CCDC106: variants seen among roughly 807,000 people sequenced by gnomAD.
The protein encoded by CCDC106 is coiled-coil domain containing 106, also known as coiled-coil domain-containing protein 106.
In CCDC106, 17 loss-of-function variants were observed where a neutral mutation model predicts 24.7. The observed-to-expected ratio is 0.69, with a 90% confidence interval of 0.47 to 1.03. The LOEUF (loss-of-function observed/expected upper bound fraction) is 1.03. Among genes scored for constraint, CCDC106 ranks in the 50% least tolerant of loss-of-function variants. The pLI is 0.00. For synonymous variants in CCDC106, 211 were observed against 161.3 expected, an observed-to-expected ratio of 1.31 and a Z score of -2.34; for missense variants, 337 against 388.9, an observed-to-expected ratio of 0.87 and a Z score of 1.12.
Position 55,652,657 on chromosome 19 carries a change from C to T in CCDC106, c.754C>T (p.Leu252=). The T allele has an allele frequency of 6.2e-7, 1 of 1,613,390 alleles. No homozygotes were observed. Among genetic ancestry groups the T allele is most frequent in the African/African-American group, 1.3e-5 (1 of 75,046 alleles). ...GCTCGAGTACTCCCGCCGCTGCTTT[C>T]TGGCCCTGGACGACGAGACGCTCAA... ...RLLEYSRRCF[L]ALDDETLKKV... is the part of the protein sequence containing the mutation. The change falls in exon 5 of 5, where the codon CTG becomes TTG. Residue 252 remains leucine, a synonymous_variant. Coordinates refer to ENST00000586790, the MANE Select transcript of CCDC106 (RefSeq NM_001370470.1). The surrounding 1 kb of genome is among the most constrained non-coding windows in gnomAD (Gnocchi z 5.9).
At chr19:55,649,734 G>C in intron 3 of CCDC106, 150 bp downstream of exon 3, 1 of 683,238 alleles carries the variant, frequency 1.5e-6, no homozygotes, top group South Asian at 1.9e-5. Context: ...TGGGCCCCCA[G>C]GCCCAGCTGC....
At position 55,648,830 on chromosome 19, in the gene CCDC106, C is replaced by G. The variant is rs1322969751; in HGVS notation, c.-217C>G. ...GCCCCCTGCCCCTGACTCCAGGAGC[C>G]CAGGAGTTTGAAGCCCAGGCGCGTT... On this transcript the variant is annotated 5_prime_UTR_variant, in exon 1 of 5. Coordinates refer to ENST00000586790, the MANE Select transcript of CCDC106 (RefSeq NM_001370470.1). The G allele has an allele frequency of 1.6e-6, 1 of 613,622 alleles. No individual in the cohort carries two copies. The highest frequency in any genetic ancestry group is 2.7e-5 in the East Asian group (1 of 36,842). The allele number at this position is 613,622 out of a possible 1,614,324, so 38.0% of individuals were successfully genotyped here.
At position 55,651,678 on chromosome 19, in the gene CCDC106, G is replaced by C. The variant is rs192699488; in HGVS notation, c.526+183G>C. Among the ~76,000 whole-genome samples the C allele has an allele frequency of 6.2e-3, 937 of 151,432 alleles. 11 individuals carry two copies. The highest frequency in any genetic ancestry group is 0.021 in the African/African-American group (877 of 41,316). ...TTACTTTCTTTTTTTTTTTTGGCGG[G>C]GGGGACGTCTTGCCCCGTCGCCCAG... On this transcript the variant is annotated intron_variant, in intron 4 of 4. Transcript: ENST00000586790.
chr19:55,652,669 G>A lies in CCDC106; in HGVS notation c.766G>A (p.Asp256Asn). ...CCGCCGCTGCTTTCTGGCCCTGGAC[G>A]ACGAGACGCTCAAGAAGGTGCAGGC... ...YSRRCFLALD[D>N]ETLKKVQALK... Residue 256 changes from aspartate to asparagine, a missense_variant, in exon 5 of 5, where the codon GAC (aspartate) becomes AAC (asparagine). Asp to Asn is a conservative substitution (Grantham distance 23). Coordinates refer to ENST00000586790, the MANE Select transcript of CCDC106 (RefSeq NM_001370470.1). The surrounding 1 kb of genome is among the most constrained non-coding windows in gnomAD (Gnocchi z 5.9). 3 of 1,613,174 alleles carry A rather than the reference G, an allele frequency of 1.9e-6. No homozygotes were observed. Among genetic ancestry groups the A allele is most frequent in the Non-Finnish European group, 2.5e-6 (3 of 1,179,914 alleles).
chr19:55,650,711 G>A (rs1375232729), intron 3 of CCDC106, among the ~76,000 whole-genome samples: 1 of 152,122 alleles, frequency 6.6e-6, no homozygotes, highest in Non-Finnish European at 1.5e-5. Context: ...TGACTCCTTT[G>A]CACAGACAGT....
Position 55,653,012 on chromosome 19 carries a change from C to A in CCDC106, c.*266C>A, listed in dbSNP as rs1369455133. On this transcript the variant is annotated 3_prime_UTR_variant, in exon 5 of 5. Coordinates refer to ENST00000586790, the MANE Select transcript of CCDC106 (RefSeq NM_001370470.1). The stretch of plus-strand genomic sequence containing the variant: ...ACCAGGCAGGCGGGTGCCCCCCCCT[C>A]GAGTGGGGGACTGTACAGACCCCGT... 41 of 457,924 alleles carry A rather than the reference C, an allele frequency of 9.0e-5. No individual in the cohort carries two copies. The South Asian group carries it at 1.0e-3, about 11-fold the overall frequency. The allele number at this position is 457,924 out of a possible 1,614,324, so 28.4% of individuals were successfully genotyped here. A position where few individuals can be genotyped will look rare whatever the true frequency, so the allele number is the denominator to read the frequency against.
chr19:55,649,070 G>A lies in CCDC106; in HGVS notation c.24G>A (p.Arg8=), dbSNP rs1292084069. The A allele has an allele frequency of 1.9e-6, 3 of 1,613,774 alleles. No individual in the cohort carries two copies. Among genetic ancestry groups the A allele is most frequent in the African/African-American group, 1.3e-5 (1 of 74,904 alleles). Residue 8 remains arginine (R), a synonymous_variant, in exon 1 of 5, where the codon AGG becomes AGA. Transcript: ENST00000586790. MNDRSSR[R]RTMKDDETFE... ...CCATGAATGACCGGAGCAGTCGGAG[G>A]CGGACAAGTGAGGAAGCTGGGTCCC... is the stretch of plus-strand genomic sequence containing the variant.
In CCDC106 at chr19:55,652,011, C is replaced by T. The variant is rs1983325060; in HGVS notation, c.527-419C>T. Among the ~76,000 whole-genome samples the T allele has an allele frequency of 6.6e-6, 1 of 152,094 alleles. No homozygotes were observed. The highest frequency in any genetic ancestry group is 2.4e-5 in the African/African-American group (1 of 41,408). On this transcript the variant is annotated intron_variant, in intron 4 of 4. Transcript: ENST00000586790. The surrounding 1 kb of genome is among the most constrained non-coding windows in gnomAD (Gnocchi z 5.9). ...TGGTCCACCGTCGAGGGCAGGGCCA[C>T]CTTGGGCACCTCCTTAACTTTCATC... is the stretch of plus-strand genomic sequence containing the variant.
chr19:55,649,388 C>G lies in CCDC106; in HGVS notation c.137-20C>G, dbSNP rs550542661. ...GTCCCAGGGTGTGACCTGGTCCCCC[C>G]ACCCTCGCTGTGTCCCTAGAGCCTC... On this transcript the variant is annotated intron_variant, in intron 2 of 4. Coordinates refer to ENST00000586790, the MANE Select transcript of CCDC106 (RefSeq NM_001370470.1). The G allele has an allele frequency of 3.1e-5, 50 of 1,613,848 alleles. No individual in the cohort carries two copies. Among genetic ancestry groups the G allele is most frequent in the African/African-American group, 5.3e-5 (4 of 75,012 alleles).
rs1485736134 is a variant in CCDC106 at position 55,649,021 on chromosome 19, T to A, written c.-26T>A. 2.5e-6 allele frequency: 4 copies of A among 1,612,322 alleles called. No homozygotes were observed. In the East Asian group the frequency reaches 6.7e-5, roughly 27 times the overall value. Reference sequence around the variant, plus strand: ...GTCCAGTGCCCCTGAGGCCCTCGGCTGCTGGGGTCCGTAGGAAGCCGCGCC... The same window carrying A: ...GTCCAGTGCCCCTGAGGCCCTCGGCAGCTGGGGTCCGTAGGAAGCCGCGCC... On this transcript the variant is annotated 5_prime_UTR_variant, in exon 1 of 5. Coordinates refer to ENST00000586790, the MANE Select transcript of CCDC106 (RefSeq NM_001370470.1).
chr19:55,648,226 G>A lies in CCDC106; in HGVS notation c.-821G>A, dbSNP rs933090469. 2 of 152,148 alleles carry A rather than the reference G, an allele frequency of 1.3e-5. No individual in the cohort carries two copies. Among genetic ancestry groups the A allele is most frequent in the Non-Finnish European group, 2.9e-5 (2 of 67,996 alleles). 9.4% of individuals were successfully genotyped at this position (152,148 alleles called of 1,614,324 possible). A position where few individuals can be genotyped will look rare whatever the true frequency, so the allele number is the denominator to read the frequency against. ...TGACACTTTGCAGACGCTCCCCGGC[G>A]CCGGGCATGGGCGCCGCCGCCGTCG... On this transcript the variant is annotated 5_prime_UTR_variant, in exon 1 of 5. Coordinates refer to ENST00000586790, the MANE Select transcript of CCDC106 (RefSeq NM_001370470.1).
In CCDC106 at chr19:55,649,698, C is replaced by T. The variant is rs1983113444; in HGVS notation, c.313+114C>T. ...GCTGGGTGGGACCTGCCATGTTGGC[C>T]CTATCTGCTAGTCCCCTGCCTGTTT... On this transcript the variant is annotated intron_variant, in intron 3 of 4. Coordinates refer to ENST00000586790, the MANE Select transcript of CCDC106 (RefSeq NM_001370470.1). The T allele has an allele frequency of 6.1e-6, 6 of 984,428 alleles. No individual in the cohort carries two copies. In the Admixed American group the frequency reaches 9.9e-5, roughly 16 times the overall value. 61.0% of individuals were successfully genotyped at this position (984,428 alleles called of 1,614,324 possible).
chr19:55,652,927 G>T lies in CCDC106; in HGVS notation c.*181G>T. ...GGCCGCGGCCCCTTCCCGAACGCCGGCACCCCCTTCCGCTTGGGCTGCCCA... is the reference window on the plus strand; with the variant it reads ...GGCCGCGGCCCCTTCCCGAACGCCGTCACCCCCTTCCGCTTGGGCTGCCCA... On this transcript the variant is annotated 3_prime_UTR_variant, in exon 5 of 5. Coordinates refer to ENST00000586790, the MANE Select transcript of CCDC106 (RefSeq NM_001370470.1). This position sits in a 1 kb window ranked among gnomAD's most constrained non-coding sequence, Gnocchi z 5.9. 1.7e-6 allele frequency: 1 copy of T among 589,098 alleles called. No homozygotes were observed. The highest frequency in any genetic ancestry group is 3.0e-5 in the East Asian group (1 of 33,876). 36.5% of individuals were successfully genotyped at this position (589,098 alleles called of 1,614,324 possible).
At chr19:55,649,735 G>A (rs1258385223) in intron 3 of CCDC106, 151 bp downstream of exon 3, 2 of 668,168 alleles carry the variant, frequency 3.0e-6, no homozygotes, top group Non-Finnish European at 5.1e-6. Flanking sequence ...GGGCCCCCAG[G>A]CCCAGCTGCC....
intron 3 of CCDC106, 113 bp downstream of exon 3, chr19:55,649,697 C>A (rs540370173): frequency 2.0e-6 from 2 of 998,752 alleles, no homozygotes; most frequent in African/African-American, 1.6e-5. Context: ...GCCATGTTGG[C>A]CCTATCTGCT....
intron 4 of CCDC106, among the ~76,000 whole-genome samples, 165 bp downstream of exon 4, chr19:55,651,660 C>CTT (rs575404924): frequency 7.1e-6 from 1 of 141,332 alleles, no homozygotes; most frequent in Non-Finnish European, 1.6e-5. Flanking sequence ...GGTTTACTTT[C>CTT]TTTTTTTTTT....
chr19:55,652,862 G>T lies in CCDC106; in HGVS notation c.*116G>T. 2 of 950,018 alleles carry T rather than the reference G, an allele frequency of 2.1e-6. No homozygotes were observed. Among genetic ancestry groups the T allele is most frequent in the Non-Finnish European group, 3.1e-6 (2 of 650,154 alleles). The allele number at this position is 950,018 out of a possible 1,614,324, so 58.8% of individuals were successfully genotyped here. The stretch of plus-strand genomic sequence containing the variant: ...CTCCTCCTCGCTCCCTGGGTTGGGG[G>T]CTCCCTTAGCCGGGCCCCCAAGCGC... On this transcript the variant is annotated 3_prime_UTR_variant, in exon 5 of 5. Coordinates refer to ENST00000586790, the MANE Select transcript of CCDC106 (RefSeq NM_001370470.1). This position sits in a 1 kb window ranked among gnomAD's most constrained non-coding sequence, Gnocchi z 5.9.
In CCDC106 at chr19:55,649,071, C is replaced by T. The variant is rs11558497; in HGVS notation, c.25C>T (p.Arg9Trp). The change falls in exon 1 of 5, where the codon CGG becomes TGG. Residue 9 changes from arginine (R) to tryptophan (W), a missense_variant. Physicochemically the swap from Arg to Trp is moderately radical, Grantham distance 101. Transcript: ENST00000586790. MNDRSSRR[R>W]TMKDDETFEI... ...CATGAATGACCGGAGCAGTCGGAGGCGGACAAGTGAGGAAGCTGGGTCCCC... is the reference window on the plus strand; with the variant it reads ...CATGAATGACCGGAGCAGTCGGAGGTGGACAAGTGAGGAAGCTGGGTCCCC... The T allele has an allele frequency of 7.4e-6, 12 of 1,613,718 alleles. No individual in the cohort carries two copies. In the Admixed American group the frequency reaches 1.0e-4, roughly 13 times the overall value.
Position 55,652,321 on chromosome 19 carries a change from C to T in CCDC106, c.527-109C>T. The stretch of plus-strand genomic sequence containing the variant: ...CCGTCTCCACCTGCACCGGCCCGTG[C>T]CTCTGCTCGCCGAGATCCTTTCTTC... On this transcript the variant is annotated intron_variant, in intron 4 of 4. Coordinates refer to ENST00000586790, the MANE Select transcript of CCDC106 (RefSeq NM_001370470.1). The surrounding 1 kb of genome is among the most constrained non-coding windows in gnomAD (Gnocchi z 5.9). The T allele has an allele frequency of 2.1e-6, 2 of 937,764 alleles. No individual in the cohort carries two copies. Among genetic ancestry groups the T allele is most frequent in the Non-Finnish European group, 3.2e-6 (2 of 617,818 alleles). The allele number at this position is 937,764 out of a possible 1,614,324, so 58.1% of individuals were successfully genotyped here. A position where few individuals can be genotyped will look rare whatever the true frequency, so the allele number is the denominator to read the frequency against.
Sources: gnomAD v4.1 joint callset for allele counts (sites outside exome capture counted in the v4.1 genomes callset) on GRCh38, gnomAD v4.1.1 for gene constraint, Gnocchi (gnomAD v3.1) non-coding constraint, MANE v1.5 for transcripts, NCBI Gene and HGNC (gene_info 2026-07-23, HGNC 2026-07-21) for gene names.